RCL1: variants seen among roughly 807,000 people sequenced by gnomAD.
RCL1 encodes the protein RNA 3'-terminal phosphate cyclase-like protein.
Under a neutral mutation model 42.4 loss-of-function variants are expected in RCL1, and 24 were observed. The observed-to-expected ratio is 0.57, with a 90% CI of 0.41 to 0.80. The LOEUF is 0.80. Ranked by LOEUF, RCL1 falls within the 30% of genes least tolerant of loss-of-function variation. RCL1 has a pLI of 0.00. For synonymous variants in RCL1, 228 were observed against 177.3 expected, an observed-to-expected ratio of 1.29 and a Z score of -2.27; for missense variants, 578 against 467.9, an observed-to-expected ratio of 1.24 and a Z score of -2.17.
At chr9:4,834,885 C>G (rs867014792) in intron 5 of RCL1, among the ~76,000 whole-genome samples, 1 of 152,172 alleles carries the variant, frequency 6.6e-6, no homozygotes, top group Non-Finnish European at 1.5e-5. Flanking sequence ...TAAGGAATTT[C>G]TTAATAATGT....
At chr9:4,837,154 G>C (rs1308451381) in intron 5 of RCL1, among the ~76,000 whole-genome samples, 1 of 152,156 alleles carries the variant, frequency 6.6e-6, no homozygotes, top group Non-Finnish European at 1.5e-5. Context: ...AATGTAACTA[G>C]GTGTGTGTTT....
chr9:4,835,630 TTTGTAGG>T (rs1229582766), intron 5 of RCL1, among the ~76,000 whole-genome samples: 1 of 152,174 alleles, frequency 6.6e-6, no homozygotes, highest in Non-Finnish European at 1.5e-5. Flanking sequence ...TTTGAGTGTT[TTTGTAGG>T]TTGTTAATGT....
rs1842916183 is a variant in RCL1, at chr9:4,796,489, G to C, written c.136+3262G>C. Among the ~76,000 whole-genome samples the C allele has an allele frequency of 3.3e-5, 5 of 152,150 alleles. No homozygotes were observed. The South Asian group carries it at 1.0e-3, about 32-fold the overall frequency. ...TGGCTCACTGTAGCCTCAACCTCTT[G>C]GGCTCAGGTGATCCTCTCACGTTAG... On this transcript the variant is annotated intron_variant, in intron 1 of 8. Transcript: ENST00000381750.
rs181093679 is a variant in RCL1, at chr9:4,807,130, G to A, written c.136+13903G>A. Among the ~76,000 whole-genome samples, 547 of 152,188 alleles carry A rather than the reference G, an allele frequency of 3.6e-3. 2 individuals carry two copies. Among genetic ancestry groups the A allele is most frequent in the Non-Finnish European group, 4.5e-3 (307 of 68,018 alleles). ...GTTGCTAATTGTGTTTGTCTGTGGG[G>A]GCGTGGGGGTGTCTTGTCTGTGTCC... On this transcript the variant is annotated intron_variant, in intron 1 of 8. Coordinates refer to ENST00000381750, the MANE Select transcript of RCL1 (RefSeq NM_005772.5).
chr9:4,832,215 C>T (rs762288316), intron 3 of RCL1, among the ~76,000 whole-genome samples: 2 of 152,198 alleles, frequency 1.3e-5, no homozygotes, highest in Non-Finnish European at 2.9e-5. Context: ...AACAGTTACA[C>T]GTGGCAAAGT....
intron 2 of RCL1, among the ~76,000 whole-genome samples, chr9:4,826,016 G>A (rs897889539): frequency 6.6e-6 from 1 of 151,510 alleles, no homozygotes; most frequent in Non-Finnish European, 1.5e-5. Flanking sequence ...GATCACTTGA[G>A]CCCAAGAGTT....
chr9:4,846,084 A>G (rs1222589236), intron 7 of RCL1, among the ~76,000 whole-genome samples: 5 of 152,220 alleles, frequency 3.3e-5, no homozygotes, highest in Non-Finnish European at 5.9e-5. Flanking sequence ...ATAGGTATTG[A>G]TCCTCAGACC....
Position 4,827,026 on chromosome 9 carries a change from A to G in RCL1, c.377A>G (p.Asp126Gly). The change falls in exon 3 of 9, where the codon GAC becomes GGC. Residue 126 changes from aspartate (D) to glycine (G), a missense_variant. Physicochemically the swap from Asp to Gly is moderately conservative, Grantham distance 94. Coordinates refer to ENST00000381750, the MANE Select transcript of RCL1 (RefSeq NM_005772.5). ...VLRGVTNDQV[D>G]PSVDVLKATA... Reference sequence around the variant, plus strand: ...CGAGGAGTGACCAATGATCAGGTTGACCCTTCAGTGAGTATTGAGAACAAA... The same window carrying G: ...CGAGGAGTGACCAATGATCAGGTTGGCCCTTCAGTGAGTATTGAGAACAAA... The G allele has an allele frequency of 6.2e-7, 1 of 1,614,046 alleles. No individual in the cohort carries two copies. The highest frequency in any genetic ancestry group is 8.5e-7 in the Non-Finnish European group (1 of 1,179,994).
chr9:4,834,378 A>G (rs1373883349), intron 5 of RCL1, 113 bp downstream of exon 5: 16 of 1,266,508 alleles, frequency 1.3e-5, no homozygotes, highest in Non-Finnish European at 1.6e-5. Context: ...TTAGACTACA[A>G]CTTTGAAAAG....
chr9:4,799,745 A>G (rs566042016), intron 1 of RCL1, among the ~76,000 whole-genome samples: 7 of 152,184 alleles, frequency 4.6e-5, no homozygotes, highest in African/African-American at 7.2e-5. Context: ...AGGGCCTTGA[A>G]TGAGTCCTGT....
chr9:4,806,335 C>G (rs1022307650), intron 1 of RCL1, among the ~76,000 whole-genome samples: 3 of 151,936 alleles, frequency 2.0e-5, no homozygotes, highest in African/African-American at 2.4e-5. Context: ...GAAAGCATCC[C>G]CCTAAGTATG....
At position 4,793,032 on chromosome 9, in the gene RCL1, C is replaced by T; in HGVS notation, c.-60C>T. On this transcript the variant is annotated 5_prime_UTR_variant, in exon 1 of 9. Coordinates refer to ENST00000381750, the MANE Select transcript of RCL1 (RefSeq NM_005772.5). The stretch of plus-strand genomic sequence containing the variant: ...CACCACCACCATCGGAGTCACGAGT[C>T]CCGCGTCTGTCCGAAGTCGCCGCTC... 3 of 1,551,988 alleles carry T rather than the reference C, an allele frequency of 1.9e-6. No individual in the cohort carries two copies. The highest frequency in any genetic ancestry group is 2.6e-6 in the Non-Finnish European group (3 of 1,146,060).
rs1046181787 is a variant in RCL1 at position 4,844,797 on chromosome 9, T to C, written c.867+116T>C. ...GGGCTCAAGCCAAGGAGATAATCTG[T>C]TCCTGTGCATTAAGCAGTTCAGCCT... On this transcript the variant is annotated intron_variant, in intron 7 of 8. Transcript: ENST00000381750. 1.6e-5 allele frequency: 16 copies of C among 1,018,022 alleles called. 1 individual carries two copies. Among genetic ancestry groups the C allele is most frequent in the Middle Eastern group, 3.3e-4 (1 of 3,036 alleles). 63.1% of individuals were successfully genotyped at this position (1,018,022 alleles called of 1,614,324 possible).
intron 5 of RCL1, among the ~76,000 whole-genome samples, chr9:4,836,033 A>G (rs139226406): frequency 2.6e-5 from 4 of 152,242 alleles, no homozygotes; most frequent in African/African-American, 9.6e-5. Context: ...ATTGAGGGTA[A>G]GGGGATGGGC....
chr9:4,815,987 C>T (rs1444562008), intron 1 of RCL1, among the ~76,000 whole-genome samples: 3 of 152,044 alleles, frequency 2.0e-5, no homozygotes, highest in African/African-American at 4.8e-5. Context: ...GTGGTCATCT[C>T]GAGTTTCTTT....
In RCL1 at chr9:4,820,562, A is replaced by T. The variant is rs929769930; in HGVS notation, c.137-2986A>T. Among the ~76,000 whole-genome samples the T allele has an allele frequency of 2.0e-5, 3 of 152,336 alleles. No homozygotes were observed. The East Asian group carries it at 5.8e-4, about 29-fold the overall frequency. On this transcript the variant is annotated intron_variant, in intron 1 of 8. Coordinates refer to ENST00000381750, the MANE Select transcript of RCL1 (RefSeq NM_005772.5). Reference sequence around the variant, plus strand: ...GTGGATTGCAAAAAACAAAATCTAGAAAGTAAAGTCATGGTTTCTTCCTTT... The same window carrying T: ...GTGGATTGCAAAAAACAAAATCTAGTAAGTAAAGTCATGGTTTCTTCCTTT...
intron 8 of RCL1, among the ~76,000 whole-genome samples, chr9:4,851,738 A>T (rs1298176455): frequency 2.3e-3 from 4 of 1,734 alleles, no homozygotes; most frequent in Admixed American, 0.014. Context: ...TCCTTGGTTT[A>T]AAAAAAAAAA....
chr9:4,833,081 T>A, intron 3 of RCL1, 73 bp from the exon 4 acceptor site: 2 of 1,022,734 alleles, frequency 2.0e-6, no homozygotes, highest in South Asian at 2.5e-5. Context: ...TGCTAAGCCT[T>A]ACTTGTTTTT....
chr9:4,828,725 G>A (rs552753133), intron 3 of RCL1, among the ~76,000 whole-genome samples: 1 of 151,932 alleles, frequency 6.6e-6, no homozygotes, highest in African/African-American at 2.4e-5. Flanking sequence ...TTCTATACTT[G>A]CTAATTATCT....
Sources: gnomAD v4.1 joint callset for allele counts (sites outside exome capture counted in the v4.1 genomes callset) on GRCh38, gnomAD v4.1.1 for gene constraint, MANE v1.5 for transcripts, NCBI Gene and HGNC (gene_info 2026-07-23, HGNC 2026-07-21) for gene names.